Variants in POR observed in about 807,000 individuals in gnomAD.
The protein encoded by POR is cytochrome p450 oxidoreductase.
A neutral mutation model predicts 84.0 loss-of-function variants in POR; 56 were observed. The observed-to-expected ratio is 0.67, with a 90% CI of 0.54 to 0.83. The LOEUF is 0.83. Ranked by LOEUF, POR falls within the 40% of genes least tolerant of loss-of-function variation. POR has a pLI of 0.00. For synonymous variants in POR, 414 were observed against 400.5 expected, an observed-to-expected ratio of 1.03 and a Z score of -0.40; for missense variants, 938 against 944.3, an observed-to-expected ratio of 0.99 and a Z score of 0.09.
At chr7:75,966,946 C>T (rs782467123) in intron 2 of POR, among the ~76,000 whole-genome samples, 6 of 152,148 alleles carry the variant, frequency 3.9e-5, no homozygotes, top group South Asian at 2.1e-4. Flanking sequence ...CACCTCTGTA[C>T]GGCTGGAGCC....
At chr7:75,975,216 T>A (rs782093919) in intron 3 of POR, among the ~76,000 whole-genome samples, 27 of 152,174 alleles carry the variant, frequency 1.8e-4, no homozygotes, top group Non-Finnish European at 2.8e-4. Flanking sequence ...TAAAATCTGA[T>A]CTATTGGGAA....
intron 1 of POR, among the ~76,000 whole-genome samples, chr7:75,936,901 A>G (rs1807717977): frequency 7.1e-6 from 1 of 139,904 alleles, no homozygotes; most frequent in Non-Finnish European, 1.5e-5. Context: ...ATCTTGGCTC[A>G]CTGCAAACTC....
rs782402961 is a variant in POR at position 75,984,834 on chromosome 7, C to T, written c.1124C>T (p.Thr375Ile). 21 of 1,612,568 alleles carry T rather than the reference C, an allele frequency of 1.3e-5. No homozygotes were observed. The African/African-American group carries it at 2.0e-4, about 15-fold the overall frequency. ...CCTACGTCCTACCGCACGGCCCTCA[C>T]CTACTACCTGGACATCACCAACCCG... is the stretch of plus-strand genomic sequence containing the variant. The change falls in exon 11 of 16, where the codon ACC becomes ATC. Residue 375 changes from threonine to isoleucine, a missense_variant. By Grantham distance (89) the Thr-to-Ile change is moderately conservative. Transcript: ENST00000461988.
intron 1 of POR, among the ~76,000 whole-genome samples, chr7:75,936,455 G>A (rs113778431): frequency 7.2e-5 from 11 of 152,198 alleles, no homozygotes; most frequent in African/African-American, 2.6e-4. Context: ...GCCACTTTCT[G>A]AGTGTTGCAG....
intron 1 of POR, among the ~76,000 whole-genome samples, chr7:75,948,681 G>T (rs782793418): frequency 6.6e-6 from 1 of 152,210 alleles, no homozygotes; most frequent in Non-Finnish European, 1.5e-5. Flanking sequence ...AAAATCGGAA[G>T]GTTCTTGCCT....
intron 1 of POR, among the ~76,000 whole-genome samples, chr7:75,945,853 G>A (rs146071942): frequency 1.3e-5 from 2 of 152,068 alleles, no homozygotes; most frequent in Non-Finnish European, 2.9e-5. Flanking sequence ...TCTTTTTTAC[G>A]GACCAGAAGT....
At chr7:75,940,412 A>C (rs563826707) in intron 1 of POR, among the ~76,000 whole-genome samples, 1 of 152,140 alleles carries the variant, frequency 6.6e-6, no homozygotes, top group South Asian at 2.1e-4. Context: ...TATCACGCTA[A>C]CAAGCAGCTG....
At position 75,915,198 on chromosome 7, in the gene POR, G is replaced by T. The variant is rs1469902815; in HGVS notation, c.-5+19G>T. On this transcript the variant is annotated intron_variant, in intron 1 of 15. Transcript: ENST00000461988. ...GCCAGCGGTGAGTGCTATCTTTCGCGGCGACGGCGGGGTGGGTGAGGTCGG... is the reference window on the plus strand; with the variant it reads ...GCCAGCGGTGAGTGCTATCTTTCGCTGCGACGGCGGGGTGGGTGAGGTCGG... 5 of 154,444 alleles carry T rather than the reference G, an allele frequency of 3.2e-5. No individual in the cohort carries two copies. Among genetic ancestry groups the T allele is most frequent in the Non-Finnish European group, 7.3e-5 (5 of 68,466 alleles). The allele number at this position is 154,444 out of a possible 1,614,324, so 9.6% of individuals were successfully genotyped here.
intron 1 of POR, among the ~76,000 whole-genome samples, chr7:75,930,438 C>T (rs1238738997): frequency 1.3e-5 from 2 of 152,060 alleles, no homozygotes; most frequent in African/African-American, 4.8e-5. Flanking sequence ...CCTATGATTG[C>T]ACCACTGCAC....
At chr7:75,980,599 G>A in intron 5 of POR, 111 bp downstream of exon 5, 2 of 1,602,956 alleles carry the variant, frequency 1.2e-6, no homozygotes, top group Middle Eastern at 1.7e-4. Flanking sequence ...CCTGTCCTCA[G>A]CAGCCAGGGC....
At chr7:75,933,411 G>A (rs535898317) in intron 1 of POR, among the ~76,000 whole-genome samples, 5 of 119,508 alleles carry the variant, frequency 4.2e-5, no homozygotes, top group East Asian at 4.9e-4. Context: ...TTTTTTGAGC[G>A]GAGTTTCACT....
In POR at chr7:75,949,137, T is replaced by TTTGTTG. The variant is rs147245532; in HGVS notation, c.-4-4825_-4-4820dup. 9.7e-3 allele frequency among the ~76,000 whole-genome samples: 1,463 copies of TTTGTTG among 151,244 alleles called. 30 individuals are homozygous for TTTGTTG. Among genetic ancestry groups the TTTGTTG allele is most frequent in the South Asian group, 0.049 (236 of 4,768 alleles). The stretch of plus-strand genomic sequence containing the variant: ...ATGAGCTGTGTAAGGACTTCAGGGC[T>TTTGTTG]TTGTTGTTGTTGTTGTTGTTGTTGT... On this transcript the variant is annotated intron_variant, in intron 1 of 15. Coordinates refer to ENST00000461988, the MANE Select transcript of POR (RefSeq NM_000941.3).
At chr7:75,921,518 T>G (rs1213118212) in intron 1 of POR, among the ~76,000 whole-genome samples, 8 of 152,130 alleles carry the variant, frequency 5.3e-5, no homozygotes, top group Admixed American at 2.0e-4. Flanking sequence ...TGCCTCGGCC[T>G]CCCAAAGTGC....
At position 75,986,342 on chromosome 7, in the gene POR, CACGGAACATGGCCAGGGATGT is replaced by C. The variant is rs1789464687; in HGVS notation, c.1905_1925del (p.Arg636_Val642del). ...CACCCCCTCTTCCTGCCCAGGGATG[CACGGAACATGGCCAGGGATGT>C]GCAGAACACCTTCTACGACATCGTG... is the stretch of plus-strand genomic sequence containing the variant. On this transcript the variant is annotated inframe_deletion, in exon 16 of 16. Coordinates refer to ENST00000461988, the MANE Select transcript of POR (RefSeq NM_000941.3). 1 of 1,612,576 alleles carries C rather than the reference CACGGAACATGGCCAGGGATGT, an allele frequency of 6.2e-7. No individual in the cohort carries two copies. The highest frequency in any genetic ancestry group is 2.2e-5 in the East Asian group (1 of 44,856).
At chr7:75,980,564 G>A (rs1554557605) in intron 5 of POR, 76 bp downstream of exon 5, 1 of 1,611,908 alleles carries the variant, frequency 6.2e-7, no homozygotes. Context: ...CCATGTATCT[G>A]AAAGGCAGCC....
intron 2 of POR, among the ~76,000 whole-genome samples, chr7:75,966,426 G>A (rs782420145): frequency 1.2e-4 from 19 of 152,298 alleles, no homozygotes; most frequent in Admixed American, 3.3e-4. Context: ...ATCTGGGTCC[G>A]CCTAGCAGAG....
At chr7:75,981,916 G>A (rs192910659) in intron 7 of POR, 88 of 568,244 alleles carry the variant, frequency 1.5e-4, no homozygotes, top group African/African-American at 1.4e-3. Context: ...AAAACATAAC[G>A]TTCCTCTCTG....
At position 75,980,450 on chromosome 7, in the gene POR, C is replaced by T. The variant is rs1788949292; in HGVS notation, c.478C>T (p.Gln160Ter). The change falls in exon 5 of 16, where the codon CAG (glutamine) becomes TAG (stop). Residue 160 changes from glutamine to a stop codon, truncating the protein, a stop_gained. Coordinates refer to ENST00000461988, the MANE Select transcript of POR (RefSeq NM_000941.3). LOFTEE classifies it high-confidence loss of function. The stretch of plus-strand genomic sequence containing the variant: ...TGCCCAGGACTTCTACGACTGGCTG[C>T]AGGAGACAGACGTGGATCTCTCTGG... The T allele has an allele frequency of 6.2e-7, 1 of 1,613,204 alleles. No individual in the cohort carries two copies. The highest frequency in any genetic ancestry group is 8.5e-7 in the Non-Finnish European group (1 of 1,179,872).
At chr7:75,964,811 A>G (rs1474258583) in intron 2 of POR, among the ~76,000 whole-genome samples, 1 of 152,022 alleles carries the variant, frequency 6.6e-6, no homozygotes, top group African/African-American at 2.4e-5. Flanking sequence ...GATCACTTGA[A>G]GCCAGGAGGT....
Sources: gnomAD v4.1 joint callset for allele counts (sites outside exome capture counted in the v4.1 genomes callset) on GRCh38, gnomAD v4.1.1 for gene constraint, MANE v1.5 for transcripts, NCBI Gene and HGNC (gene_info 2026-07-23, HGNC 2026-07-21) for gene names.